The following GUCY1A2 variants were observed in gnomAD, a reference collection of about 807,000 sequenced individuals.
The protein encoded by GUCY1A2 is guanylate cyclase 1 soluble subunit alpha 2, also known as guanylate cyclase soluble subunit alpha-2.
In GUCY1A2, 27 loss-of-function variants were observed where a neutral mutation model predicts 63.5. That is an observed-to-expected ratio of 0.43 (90% CI 0.31 to 0.59). The LOEUF is 0.59. Ranked by LOEUF, GUCY1A2 falls within the 20% of genes least tolerant of loss-of-function variation. The probability of loss-of-function intolerance (pLI) is 0.11; values close to 1 mark genes in which losing one functional copy is unlikely to be tolerated. For missense variants in GUCY1A2, 768 were observed against 913.3 expected, an observed-to-expected ratio of 0.84 and a Z score of 2.05; for synonymous variants, 364 against 343.5, an observed-to-expected ratio of 1.06 and a Z score of -0.66.
chr11:106,896,754 A>C (rs1345612167), intron 4 of GUCY1A2, among the ~76,000 whole-genome samples: 1 of 152,204 alleles, frequency 6.6e-6, no homozygotes, highest in Admixed American at 6.5e-5. Context: ...ATCCCTCGCC[A>C]GACACCAATC....
chr11:106,691,454 C>G (rs2135336181), intron 7 of GUCY1A2, among the ~76,000 whole-genome samples: 1 of 152,312 alleles, frequency 6.6e-6, no homozygotes, highest in Non-Finnish European at 1.5e-5. Flanking sequence ...TCTCTTCTCC[C>G]TATCTTTTAA....
At chr11:106,892,648 A>G (rs1859990275) in intron 4 of GUCY1A2, among the ~76,000 whole-genome samples, 1 of 152,064 alleles carries the variant, frequency 6.6e-6, no homozygotes. Context: ...GTTCCAAAAA[A>G]TAGTTGTGTA....
chr11:106,694,416 A>T (rs1452562497), intron 7 of GUCY1A2, among the ~76,000 whole-genome samples: 2 of 152,170 alleles, frequency 1.3e-5, no homozygotes, highest in East Asian at 3.9e-4. Flanking sequence ...TTGAAACTAC[A>T]TTTCCCAATT....
chr11:106,901,725 G>T (rs1407900624), intron 4 of GUCY1A2, among the ~76,000 whole-genome samples: 1 of 149,076 alleles, frequency 6.7e-6, no homozygotes, highest in Non-Finnish European at 1.5e-5. Flanking sequence ...GTATGAGTGA[G>T]AACACGCAGT....
intron 4 of GUCY1A2, among the ~76,000 whole-genome samples, chr11:106,865,794 TATA>T (rs564726543): frequency 7.3e-5 from 11 of 151,142 alleles, no homozygotes; most frequent in South Asian, 6.3e-4. Flanking sequence ...GAACTTAAAG[TATA>T]ATAATAATAA....
chr11:106,974,120 C>T (rs1049980830), intron 3 of GUCY1A2, among the ~76,000 whole-genome samples: 9 of 151,982 alleles, frequency 5.9e-5, no homozygotes, highest in African/African-American at 2.2e-4. Flanking sequence ...AGTTATTTCC[C>T]CTTCAACCGC....
intron 4 of GUCY1A2, among the ~76,000 whole-genome samples, chr11:106,832,621 CATGT>C (rs1363711364): frequency 6.6e-6 from 1 of 152,006 alleles, no homozygotes; most frequent in Non-Finnish European, 1.5e-5. Context: ...CATAAGTGTG[CATGT>C]GTTATATGAC....
At chr11:106,967,248 G>T (rs957364892) in intron 3 of GUCY1A2, among the ~76,000 whole-genome samples, 1 of 152,156 alleles carries the variant, frequency 6.6e-6, no homozygotes, top group Non-Finnish European at 1.5e-5. Context: ...TCACAGACAA[G>T]TATAAACTTC....
chr11:106,692,970 A>T (rs2135337133), intron 7 of GUCY1A2, among the ~76,000 whole-genome samples: 1 of 152,322 alleles, frequency 6.6e-6, no homozygotes, highest in Middle Eastern at 3.4e-3. Flanking sequence ...GCACGTTTGA[A>T]ATCACTGTGT....
chr11:106,798,892 A>G (rs1864816917), intron 5 of GUCY1A2, among the ~76,000 whole-genome samples: 2 of 152,284 alleles, frequency 1.3e-5, no homozygotes, highest in Non-Finnish European at 1.5e-5. Context: ...CCTATTCAAC[A>G]TAGTGTTGGA....
At chr11:106,844,832 G>C (rs544112105) in intron 4 of GUCY1A2, among the ~76,000 whole-genome samples, 1 of 151,698 alleles carries the variant, frequency 6.6e-6, no homozygotes, top group South Asian at 2.1e-4. Context: ...ATGTTATCAA[G>C]AACAATATCT....
chr11:106,774,932 C>T (rs773442395), intron 6 of GUCY1A2, among the ~76,000 whole-genome samples: 15 of 152,112 alleles, frequency 9.9e-5, no homozygotes, highest in Non-Finnish European at 2.1e-4. Context: ...CAGTTTTCAG[C>T]TCTTTTTATT....
At chr11:106,854,499 G>T (rs1162454697) in intron 4 of GUCY1A2, among the ~76,000 whole-genome samples, 1 of 152,158 alleles carries the variant, frequency 6.6e-6, no homozygotes, top group East Asian at 1.9e-4. Context: ...GCATGTGGTG[G>T]TGAGAAGGAT....
chr11:106,905,145 C>A (rs1261722228), intron 4 of GUCY1A2, among the ~76,000 whole-genome samples: 1 of 152,064 alleles, frequency 6.6e-6, no homozygotes, highest in African/African-American at 2.4e-5. Flanking sequence ...TGGAAAGATA[C>A]AACCAATGGA....
chr11:106,984,442 TTCTATCAA>T, intron 2 of GUCY1A2, among the ~76,000 whole-genome samples: 1 of 152,170 alleles, frequency 6.6e-6, no homozygotes, highest in African/African-American at 2.4e-5. Context: ...ACTCCCTCCA[TTCTATCAA>T]TGGAGAAAAA....
chr11:106,809,178 T>C (rs1417055697), intron 5 of GUCY1A2, among the ~76,000 whole-genome samples: 1 of 152,092 alleles, frequency 6.6e-6, no homozygotes, highest in Non-Finnish European at 1.5e-5. Flanking sequence ...GGTCAATATG[T>C]ATTAGTAAAG....
intron 5 of GUCY1A2, among the ~76,000 whole-genome samples, chr11:106,777,445 C>CA (rs34353077): frequency 0.23 from 20,917 of 91,238 alleles, 2,253 homozygotes; most frequent in East Asian, 0.28. Flanking sequence ...GACTTGGTCT[C>CA]AAAAAAAAAA....
At chr11:106,952,986 T>C (rs1022362988) in intron 3 of GUCY1A2, among the ~76,000 whole-genome samples, 2 of 152,180 alleles carry the variant, frequency 1.3e-5, no homozygotes, top group Non-Finnish European at 2.9e-5. Flanking sequence ...CAGAGACAAC[T>C]TGACTTCCTC....
At position 106,841,301 on chromosome 11, in the gene GUCY1A2, A is replaced by G. The variant is rs150274001; in HGVS notation, c.1207-30823T>C. 1.1e-4 allele frequency among the ~76,000 whole-genome samples: 17 copies of G among 152,000 alleles called. No individual in the cohort carries two copies. The East Asian group carries it at 2.7e-3, about 24-fold the overall frequency. On this transcript the variant is annotated intron_variant, in intron 4 of 7. Coordinates refer to ENST00000526355, the MANE Select transcript of GUCY1A2 (RefSeq NM_000855.3). ...TCGAGGAGGCTTTTTTGGCTCCCCAATATGTTAGGTGTATTTGATACAAAT... is the reference window on the plus strand; with the variant it reads ...TCGAGGAGGCTTTTTTGGCTCCCCAGTATGTTAGGTGTATTTGATACAAAT...
Sources: allele counts gnomAD v4.1 joint callset (sites outside exome capture counted in the v4.1 genomes callset), GRCh38; gene constraint gnomAD v4.1.1; transcripts MANE v1.5; gene names NCBI Gene and HGNC (gene_info 2026-07-23, HGNC 2026-07-21).